The following RSPH14 variants were observed in gnomAD, a reference collection of about 807,000 sequenced individuals.
RSPH14 encodes the protein rhabdoid tumor deletion region gene 1.
In RSPH14, 20 loss-of-function variants were observed where a neutral mutation model predicts 26.7. That is an observed-to-expected ratio of 0.75 (90% CI 0.53 to 1.09). RSPH14 has a LOEUF of 1.09. RSPH14 is among the 50% of genes least tolerant of loss of function. The probability of loss-of-function intolerance (pLI) is 0.00; values close to 1 mark genes in which losing one functional copy is unlikely to be tolerated. For synonymous variants in RSPH14, 177 were observed against 189.3 expected (o/e 0.93, Z 0.53); for missense variants, 449 against 457.2 (o/e 0.98, Z 0.16).
rs149053962 is a variant in RSPH14, at chr22:23,075,162, G to T, written c.422-11029C>A. On this transcript the variant is annotated intron_variant, in intron 4 of 6. Transcript: ENST00000216036. ...CCTGTGGAGAAGGAAGGCCTGGAGG[G>T]TGGGCCCGCAACCTGCCTGCTGCCC... Among the ~76,000 whole-genome samples, 22 of 152,262 alleles carry T rather than the reference G, an allele frequency of 1.4e-4. No individual in the cohort carries two copies. In the East Asian group the frequency reaches 3.7e-3, roughly 25 times the overall value.
intron 4 of RSPH14, chr22:23,131,437 G>T: frequency 2.8e-6 from 1 of 358,460 alleles, no homozygotes; most frequent in Non-Finnish European, 5.3e-6. Flanking sequence ...CAGGGTGCTT[G>T]GACTGTACCT....
chr22:23,073,225 C>T (rs1454506727), intron 4 of RSPH14, among the ~76,000 whole-genome samples: 1 of 152,236 alleles, frequency 6.6e-6, no homozygotes, highest in African/African-American at 2.4e-5. Context: ...TCTCCCGAAC[C>T]CTCCAGCAAG....
chr22:23,160,847 G>A, the RSPH14 span: 4 of 1,603,852 alleles, frequency 2.5e-6, no homozygotes, highest in Admixed American at 5.1e-5. Flanking sequence ...GAGAAACACT[G>A]ATGAGGTCCC....
chr22:23,146,516 T>C, upstream of RSPH14: 1 of 1,527,840 alleles, frequency 6.5e-7, no homozygotes, highest in Non-Finnish European at 8.8e-7. Context: ...CCAGCCTGGA[T>C]CTGATGAAAA....
At chr22:23,115,223 T>C (rs2069789987) in intron 4 of RSPH14, among the ~76,000 whole-genome samples, 1 of 152,148 alleles carries the variant, frequency 6.6e-6, no homozygotes, top group Admixed American at 6.5e-5. Context: ...ATCACCCACC[T>C]ATTCCCCAAT....
At chr22:23,117,158 G>A (rs1294616908) in intron 4 of RSPH14, among the ~76,000 whole-genome samples, 2 of 152,102 alleles carry the variant, frequency 1.3e-5, no homozygotes, top group Non-Finnish European at 2.9e-5. Context: ...AGGAACGTTG[G>A]TAACTGGAAG....
the RSPH14 span, chr22:23,152,412 G>A: frequency 5.6e-6 from 9 of 1,596,320 alleles, no homozygotes; most frequent in Non-Finnish European, 7.7e-6. Flanking sequence ...AGTGTCTGAA[G>A]ACACCCTGGA....
chr22:23,073,492 C>A (rs1028746479), intron 4 of RSPH14, among the ~76,000 whole-genome samples: 2 of 152,332 alleles, frequency 1.3e-5, no homozygotes, highest in African/African-American at 4.8e-5. Flanking sequence ...CCTGGTCCCA[C>A]CATCCTAGGT....
At position 23,119,083 on chromosome 22, in the gene RSPH14, C is replaced by T. The variant is rs990791839; in HGVS notation, c.421+14943G>A. Among the ~76,000 whole-genome samples the T allele has an allele frequency of 3.3e-5, 5 of 152,234 alleles. No homozygotes were observed. The East Asian group carries it at 7.7e-4, about 23-fold the overall frequency. On this transcript the variant is annotated intron_variant, in intron 4 of 6. Coordinates refer to ENST00000216036, the MANE Select transcript of RSPH14 (RefSeq NM_014433.3). ...GCTTCCCATATGCATGCTTGAGTCA[C>T]AGTTTCCAGAGCTACAGCTTCAAAT...
chr22:23,120,800 C>G (rs181713932), intron 4 of RSPH14, among the ~76,000 whole-genome samples: 1 of 152,306 alleles, frequency 6.6e-6, no homozygotes, highest in East Asian at 1.9e-4. Flanking sequence ...GGACTCCCAC[C>G]TCAAGCTCCA....
chr22:23,160,576 GA>G, the RSPH14 span, among the ~76,000 whole-genome samples: 1 of 152,210 alleles, frequency 6.6e-6, no homozygotes, highest in Admixed American at 6.5e-5. Context: ...CATCTGATTG[GA>G]AGAGTAGATG....
chr22:23,100,890 T>C (rs2069283657), intron 4 of RSPH14, among the ~76,000 whole-genome samples: 1 of 152,228 alleles, frequency 6.6e-6, no homozygotes, highest in Non-Finnish European at 1.5e-5. Flanking sequence ...AAGGCCGTCC[T>C]GTGAACACAG....
rs573369811 is a variant in RSPH14 at position 23,087,770 on chromosome 22, G to A, written c.422-23637C>T. On this transcript the variant is annotated intron_variant, in intron 4 of 6. Coordinates refer to ENST00000216036, the MANE Select transcript of RSPH14 (RefSeq NM_014433.3). ...CTGCTCAGTCAGTTCCTGGGTGGGG[G>A]CCACAAGATCAGATGAGCCAGTTTA... Among the ~76,000 whole-genome samples, 8 of 152,262 alleles carry A rather than the reference G, an allele frequency of 5.3e-5. No individual in the cohort carries two copies. In the South Asian group the frequency reaches 1.7e-3, roughly 32 times the overall value.
chr22:23,088,662 A>G (rs893656635), intron 4 of RSPH14, among the ~76,000 whole-genome samples: 5 of 152,094 alleles, frequency 3.3e-5, no homozygotes, highest in Non-Finnish European at 4.4e-5. Flanking sequence ...TTGGTCTGAA[A>G]TGGGTTCCAT....
the RSPH14 span, among the ~76,000 whole-genome samples, chr22:23,172,506 A>C: frequency 6.8e-6 from 1 of 147,040 alleles, no homozygotes; most frequent in South Asian, 2.1e-4. Context: ...CGAGGTCAGG[A>C]GATCAAGACC....
intron 4 of RSPH14, among the ~76,000 whole-genome samples, chr22:23,103,303 T>C (rs2069357286): frequency 6.6e-6 from 1 of 152,196 alleles, no homozygotes; most frequent in Non-Finnish European, 1.5e-5. Flanking sequence ...CCCGCCTCCA[T>C]GCCAGTTGTT....
intron 4 of RSPH14, among the ~76,000 whole-genome samples, chr22:23,094,233 C>T (rs559819524): frequency 1.4e-4 from 21 of 152,228 alleles, no homozygotes; most frequent in African/African-American, 4.8e-4. Context: ...AAGAGGGGTG[C>T]GTGTGAGTTG....
At chr22:23,064,788 G>A (rs1670317549) in intron 4 of RSPH14, among the ~76,000 whole-genome samples, 1 of 152,216 alleles carries the variant, frequency 6.6e-6, no homozygotes, top group African/African-American at 2.4e-5. Context: ...CTGGGGTGCA[G>A]GTACTGGGAG....
chr22:23,060,080 G>A lies in RSPH14; in HGVS notation c.791-362C>T, dbSNP rs533530320. On this transcript the variant is annotated intron_variant, in intron 6 of 6. Transcript: ENST00000216036. ...TACAGTCCCAGCTACTCAGGAGACT[G>A]AGCGGGGAGGATCACTAGAGCCTGG... Among the ~76,000 whole-genome samples, 7 of 152,320 alleles carry A rather than the reference G, an allele frequency of 4.6e-5. No homozygotes were observed. The South Asian group carries it at 1.4e-3, about 32-fold the overall frequency.
Sources: allele counts gnomAD v4.1 joint callset (sites outside exome capture counted in the v4.1 genomes callset), GRCh38; gene constraint gnomAD v4.1.1; transcripts MANE v1.5; gene names NCBI Gene and HGNC (gene_info 2026-07-23, HGNC 2026-07-21).